CELF2: variants seen among roughly 807,000 people sequenced by gnomAD.
The protein encoded by CELF2 is CUG triplet repeat RNA-binding protein 2.
Under a neutral mutation model 62.6 loss-of-function variants are expected in CELF2, and 8 were observed. The ratio of observed to expected loss-of-function variants is 0.13; its 90% CI spans 0.07 to 0.23. CELF2 has a LOEUF of 0.23. CELF2 is among the 10% of genes least tolerant of loss of function. CELF2 has a pLI of 1.00. For missense variants in CELF2, 333 were observed against 671.0 expected, an observed-to-expected ratio of 0.50 and a Z score of 5.56; for synonymous variants, 258 against 250.0, an observed-to-expected ratio of 1.03 and a Z score of -0.30.
intron 2 of CELF2, among the ~76,000 whole-genome samples, chr10:10,926,463 G>A (rs1260966076): frequency 6.6e-6 from 1 of 152,190 alleles, no homozygotes; most frequent in Non-Finnish European, 1.5e-5. Flanking sequence ...CCAGAACTCT[G>A]AGAAATGAAT....
chr10:10,504,501 A>AT, the CELF2 span, among the ~76,000 whole-genome samples: 1 of 152,048 alleles, frequency 6.6e-6, no homozygotes, highest in Non-Finnish European at 1.5e-5. Flanking sequence ...TTTATCTTTC[A>AT]TTTTCAGAAG....
chr10:11,076,383 C>A (rs755587292), intron 1 of CELF2, among the ~76,000 whole-genome samples: 9 of 152,250 alleles, frequency 5.9e-5, no homozygotes, highest in Non-Finnish European at 1.2e-4. Flanking sequence ...ATTAGCATTG[C>A]AAGGACGTAG....
At chr10:11,304,137 G>A (rs1331285875) in intron 9 of CELF2, among the ~76,000 whole-genome samples, 1 of 152,124 alleles carries the variant, frequency 6.6e-6, no homozygotes, top group Non-Finnish European at 1.5e-5. Flanking sequence ...GACTCACTGG[G>A]CTAGGGTCAA....
At position 11,315,617 on chromosome 10, in the gene CELF2, C is replaced by T. The variant is rs1262512839; in HGVS notation, c.1096+1359C>T. ...TACATCTTTTGGGGAAAAGCGAAAA[C>T]GTGGACCGAGCTTTAGCTGACCATA... On this transcript the variant is annotated intron_variant, in intron 10 of 12. Transcript: ENST00000633077. This position sits in a 1 kb window ranked among gnomAD's most constrained non-coding sequence, Gnocchi z 5.8. Among the ~76,000 whole-genome samples, 7 of 152,134 alleles carry T rather than the reference C, an allele frequency of 4.6e-5. No individual in the cohort carries two copies. The highest frequency in any genetic ancestry group is 7.2e-5 in the African/African-American group (3 of 41,444).
In CELF2 at chr10:11,321,497, C is replaced by A; in HGVS notation, c.1294+111C>A. On this transcript the variant is annotated intron_variant, in intron 11 of 12. Transcript: ENST00000633077. This position sits in a 1 kb window ranked among gnomAD's most constrained non-coding sequence, Gnocchi z 6.2. ...ACTGAACCCATGTCATAACAGAAAG[C>A]AGTTGTTTTGTTATTCATGTTTAAA... The A allele has an allele frequency of 4.7e-6, 4 of 844,724 alleles. No homozygotes were observed. Among genetic ancestry groups the A allele is most frequent in the Non-Finnish European group, 7.1e-6 (4 of 565,078 alleles). The allele number at this position is 844,724 out of a possible 1,614,324, so 52.3% of individuals were successfully genotyped here. A position where few individuals can be genotyped will look rare whatever the true frequency, so the allele number is the denominator to read the frequency against.
chr10:10,694,645 C>G, the CELF2 span, among the ~76,000 whole-genome samples: 4 of 150,538 alleles, frequency 2.7e-5, no homozygotes, highest in African/African-American at 7.4e-5. Flanking sequence ...GTGTGGGAGT[C>G]TAAGTCTCTT....
chr10:10,914,789 T>C (rs1359910286), intron 1 of CELF2, among the ~76,000 whole-genome samples: 1 of 152,170 alleles, frequency 6.6e-6, no homozygotes, highest in African/African-American at 2.4e-5. Flanking sequence ...TCTCTGAACA[T>C]ATAATTGCAC....
the CELF2 span, among the ~76,000 whole-genome samples, chr10:10,736,849 C>T: frequency 2.0e-5 from 3 of 151,966 alleles, no homozygotes; most frequent in Admixed American, 6.6e-5. Flanking sequence ...TTGTTTGGAT[C>T]GTGATGATTG....
At position 11,113,680 on chromosome 10, in the gene CELF2, G is replaced by A. The variant is rs377221662; in HGVS notation, c.75-51806G>A. ...GGCCTCTGGTGTTCTGGTGGGGCTA[G>A]GTTCTTGAGAATCCCTTATTAAATA... On this transcript the variant is annotated intron_variant, in intron 1 of 12. Coordinates refer to ENST00000633077, the MANE Select transcript of CELF2 (RefSeq NM_001326342.2). Among the ~76,000 whole-genome samples, 26 of 152,320 alleles carry A rather than the reference G, an allele frequency of 1.7e-4. No homozygotes were observed. The South Asian group carries it at 3.5e-3, about 21-fold the overall frequency.
At chr10:10,610,189 A>G in the CELF2 span, among the ~76,000 whole-genome samples, 1 of 152,214 alleles carries the variant, frequency 6.6e-6, no homozygotes, top group Admixed American at 6.5e-5. Flanking sequence ...TCAGTCAGTT[A>G]AATAAGATCT....
At chr10:10,494,992 T>C in the CELF2 span, among the ~76,000 whole-genome samples, 1 of 152,132 alleles carries the variant, frequency 6.6e-6, no homozygotes, top group Non-Finnish European at 1.5e-5. Flanking sequence ...TTTACCTCTT[T>C]GTGGCCAGGT....
the CELF2 span, among the ~76,000 whole-genome samples, chr10:10,545,405 C>A: frequency 8.5e-5 from 13 of 152,064 alleles, no homozygotes; most frequent in Admixed American, 3.3e-4. Flanking sequence ...TTTCTGCCTA[C>A]AATCAAAAGA....
chr10:11,030,149 ACTTTAAGGGATGCTGC>A (rs1400624301), intron 1 of CELF2, among the ~76,000 whole-genome samples: 2 of 152,142 alleles, frequency 1.3e-5, no homozygotes, highest in Non-Finnish European at 2.9e-5. Context: ...GATTACTAAC[ACTTTAAGGGATGCTGC>A]CTTCCTGTGG....
chr10:11,193,397 A>G (rs1565206147), intron 2 of CELF2, among the ~76,000 whole-genome samples: 1 of 152,270 alleles, frequency 6.6e-6, no homozygotes, highest in Non-Finnish European at 1.5e-5. Flanking sequence ...GAATAACTCC[A>G]AAGTTTCACC....
chr10:10,640,916 T>A, the CELF2 span, among the ~76,000 whole-genome samples: 1 of 152,200 alleles, frequency 6.6e-6, no homozygotes, highest in Non-Finnish European at 1.5e-5. Context: ...CCACATTGCC[T>A]GTCACCTCAT....
At chr10:10,970,220 C>T (rs768544831) in intron 2 of CELF2, among the ~76,000 whole-genome samples, 1 of 152,082 alleles carries the variant, frequency 6.6e-6, no homozygotes, top group Non-Finnish European at 1.5e-5. Flanking sequence ...AGGTGTGCAC[C>T]ACCATGCCTG....
chr10:11,143,098 A>T (rs1199753776), intron 1 of CELF2, among the ~76,000 whole-genome samples: 1 of 149,894 alleles, frequency 6.7e-6, no homozygotes, highest in African/African-American at 2.5e-5. Context: ...TCCACTGGGG[A>T]ATCTCGCTCC....
At chr10:10,960,805 C>G (rs1243264893) in intron 2 of CELF2, among the ~76,000 whole-genome samples, 1 of 152,150 alleles carries the variant, frequency 6.6e-6, no homozygotes, top group East Asian at 1.9e-4. Context: ...AATAGGTATG[C>G]GTTAGAATCT....
At chr10:11,079,311 T>A (rs2073195492) in intron 1 of CELF2, among the ~76,000 whole-genome samples, 1 of 152,208 alleles carries the variant, frequency 6.6e-6, no homozygotes, top group Admixed American at 6.5e-5. Context: ...AGACCTTGGT[T>A]TTAGCAGATA....
Sources: allele counts gnomAD v4.1 joint callset (sites outside exome capture counted in the v4.1 genomes callset), GRCh38; gene constraint gnomAD v4.1.1; non-coding constraint Gnocchi (gnomAD v3.1); transcripts MANE v1.5; gene names NCBI Gene and HGNC (gene_info 2026-07-23, HGNC 2026-07-21).